SIPA1L3: variants seen among roughly 807,000 people sequenced by gnomAD.
SIPA1L3 encodes the protein signal induced proliferation associated 1 like 3.
In SIPA1L3, 59 loss-of-function variants were observed where a neutral mutation model predicts 150.1. The observed-to-expected ratio is 0.39, with a 90% CI of 0.32 to 0.49. The LOEUF (loss-of-function observed/expected upper bound fraction) is 0.49. SIPA1L3 is among the 20% of genes least tolerant of loss of function. The probability of loss-of-function intolerance (pLI) is 0.86; values close to 1 mark genes in which losing one functional copy is unlikely to be tolerated. For missense variants in SIPA1L3, 2,211 were observed against 2,489.5 expected (o/e 0.89, Z 2.38); for synonymous variants, 1,070 against 1,077.6 (o/e 0.99, Z 0.14).
intron 1 of SIPA1L3, among the ~76,000 whole-genome samples, chr19:37,936,828 T>C (rs973476137): frequency 6.6e-6 from 1 of 152,206 alleles, no homozygotes; most frequent in Non-Finnish European, 1.5e-5. Flanking sequence ...GAATATGTAA[T>C]TGACAGCAGA....
intron 14 of SIPA1L3, among the ~76,000 whole-genome samples, chr19:38,163,738 G>A (rs1972144738): frequency 6.6e-6 from 1 of 152,180 alleles, no homozygotes; most frequent in Non-Finnish European, 1.5e-5. Flanking sequence ...CATGGCCACA[G>A]CAACGTGATC....
chr19:38,066,102 TC>T, intron 2 of SIPA1L3, among the ~76,000 whole-genome samples: 1 of 151,830 alleles, frequency 6.6e-6, no homozygotes, highest in East Asian at 1.9e-4. Flanking sequence ...AGGCTTGAAC[TC>T]CTGGGCTCAG....
In SIPA1L3 at chr19:38,164,051, G is replaced by C. The variant is rs1003295275; in HGVS notation, c.3781-428G>C. 2.0e-5 allele frequency among the ~76,000 whole-genome samples: 3 copies of C among 152,154 alleles called. No individual in the cohort carries two copies. Among genetic ancestry groups the C allele is most frequent in the African/African-American group, 7.2e-5 (3 of 41,440 alleles). On this transcript the variant is annotated intron_variant, in intron 14 of 21. Coordinates refer to ENST00000222345, the MANE Select transcript of SIPA1L3 (RefSeq NM_015073.3). This position sits in a 1 kb window ranked among gnomAD's most constrained non-coding sequence, Gnocchi z 4.1. ...GGTCCCGGATCTGTGTTGAGGACGC[G>C]GGCAGCAGGGTTTGCTAGTGGGCTG...
intron 1 of SIPA1L3, among the ~76,000 whole-genome samples, chr19:37,998,189 G>A (rs181754113): frequency 5.9e-5 from 9 of 152,260 alleles, no homozygotes; most frequent in East Asian, 1.9e-4. Context: ...AGTCAGAAGC[G>A]ACTCACGGCT....
chr19:38,167,616 G>GCTA (rs1210515224), intron 15 of SIPA1L3, among the ~76,000 whole-genome samples: 3 of 152,170 alleles, frequency 2.0e-5, no homozygotes, highest in Non-Finnish European at 4.4e-5. Flanking sequence ...AGGCTGGGGT[G>GCTA]CAGTAGTACG....
rs929190434 is a variant in SIPA1L3 at position 38,120,915 on chromosome 19, T to C, written c.2868+1033T>C. ...ATAGAGATAGCATATAACACGGCAGTTCAGAGCACAAGATCTAGTCAGAAG... is the reference window on the plus strand; with the variant it reads ...ATAGAGATAGCATATAACACGGCAGCTCAGAGCACAAGATCTAGTCAGAAG... On this transcript the variant is annotated intron_variant, in intron 9 of 21. Transcript: ENST00000222345. Among the ~76,000 whole-genome samples, 5 of 152,186 alleles carry C rather than the reference T, an allele frequency of 3.3e-5. No individual in the cohort carries two copies. In the South Asian group the frequency reaches 1.0e-3, roughly 32 times the overall value.
chr19:37,978,128 G>A (rs926429534), intron 1 of SIPA1L3, among the ~76,000 whole-genome samples: 9 of 152,202 alleles, frequency 5.9e-5, no homozygotes, highest in Non-Finnish European at 1.2e-4. Context: ...ACAGTTGAGG[G>A]CAGACCCAGA....
chr19:38,180,792 G>T (rs972920506), intron 15 of SIPA1L3, among the ~76,000 whole-genome samples: 1 of 151,976 alleles, frequency 6.6e-6, no homozygotes, highest in African/African-American at 2.4e-5. Flanking sequence ...TTATCTGCCC[G>T]CCTTGGCCTC....
intron 13 of SIPA1L3, among the ~76,000 whole-genome samples, chr19:38,158,348 T>C (rs1202867069): frequency 6.6e-6 from 1 of 152,128 alleles, no homozygotes; most frequent in African/African-American, 2.4e-5. Context: ...AAGAAGTCAG[T>C]GGGGATGAGA....
At chr19:38,086,618 G>A (rs939427297) in intron 3 of SIPA1L3, among the ~76,000 whole-genome samples, 4 of 152,206 alleles carry the variant, frequency 2.6e-5, no homozygotes, top group Non-Finnish European at 5.9e-5. Context: ...TAGAGGCAGA[G>A]GTTGCAGTGA....
intron 1 of SIPA1L3, among the ~76,000 whole-genome samples, chr19:37,998,719 T>A (rs770476066): frequency 1.3e-5 from 2 of 151,946 alleles, no homozygotes; most frequent in Non-Finnish European, 2.9e-5. Context: ...GCCTGGGAGG[T>A]TGAGGCTGCA....
At chr19:38,122,758 G>A (rs1002439169) in intron 9 of SIPA1L3, among the ~76,000 whole-genome samples, 2 of 152,152 alleles carry the variant, frequency 1.3e-5, no homozygotes, top group Non-Finnish European at 2.9e-5. Flanking sequence ...ATGCTAGGGC[G>A]GCGTCCAGCC....
In SIPA1L3 at chr19:38,198,492, C is replaced by CCA; in HGVS notation, c.4944_4945insCA (p.Glu1649GlnfsTer7). 1 of 1,601,632 alleles carries CCA rather than the reference C, an allele frequency of 6.2e-7. No homozygotes were observed. Among genetic ancestry groups the CCA allele is most frequent in the Non-Finnish European group, 8.5e-7 (1 of 1,174,966 alleles). Reference sequence around the variant, plus strand: ...CCCTGCCTGACACAGCTGCTGGCCTCGAGTGGTCCAGCCTGGTGAACGCAG... The same window carrying CCA: ...CCCTGCCTGACACAGCTGCTGGCCTCCAGAGTGGTCCAGCCTGGTGAACGCAG... On this transcript the variant is annotated frameshift_variant, in exon 19 of 22. Transcript: ENST00000222345. LOFTEE classifies it high-confidence loss of function.
At chr19:38,135,901 G>A (rs552488960) in intron 10 of SIPA1L3, among the ~76,000 whole-genome samples, 8 of 151,986 alleles carry the variant, frequency 5.3e-5, no homozygotes, top group South Asian at 2.1e-4. Flanking sequence ...GCTCTGAGGC[G>A]AGCAGTGAGG....
chr19:38,149,017 A>T (rs1971763237), intron 12 of SIPA1L3, among the ~76,000 whole-genome samples: 3 of 152,230 alleles, frequency 2.0e-5, no homozygotes, highest in Admixed American at 1.3e-4. Flanking sequence ...GGACAGTGAT[A>T]GACATGGTCT....
At chr19:38,060,814 C>T (rs1969429961) in intron 2 of SIPA1L3, among the ~76,000 whole-genome samples, 1 of 152,188 alleles carries the variant, frequency 6.6e-6, no homozygotes, top group South Asian at 2.1e-4. Flanking sequence ...GCCTCAGCCT[C>T]CCGAGTAGCT....
At chr19:37,998,588 C>A (rs558987239) in intron 1 of SIPA1L3, among the ~76,000 whole-genome samples, 1 of 152,208 alleles carries the variant, frequency 6.6e-6, no homozygotes, top group African/African-American at 2.4e-5. Context: ...TGGAGATCAG[C>A]CTGCGCAACA....
chr19:38,012,702 A>G lies in SIPA1L3; in HGVS notation c.-378-16387A>G, dbSNP rs1293167481. Among the ~76,000 whole-genome samples, 3 of 146,592 alleles carry G rather than the reference A, an allele frequency of 2.0e-5. No individual in the cohort carries two copies. In the East Asian group the frequency reaches 6.1e-4, roughly 30 times the overall value. ...TCCTCTCTCCTCCCCAGGTGAGTCC[A>G]GAGTTTCAGCTAATGTTGCAGCGGC... On this transcript the variant is annotated intron_variant, in intron 1 of 21. Transcript: ENST00000222345.
intron 2 of SIPA1L3, among the ~76,000 whole-genome samples, chr19:38,064,993 G>A (rs1969539933): frequency 6.6e-6 from 1 of 152,198 alleles, no homozygotes; most frequent in Non-Finnish European, 1.5e-5. Context: ...AAGTGAGAGA[G>A]GCAGCTGTGA....
Sources: gnomAD v4.1 joint callset for allele counts (sites outside exome capture counted in the v4.1 genomes callset) on GRCh38, gnomAD v4.1.1 for gene constraint, Gnocchi (gnomAD v3.1) non-coding constraint, MANE v1.5 for transcripts, NCBI Gene and HGNC (gene_info 2026-07-23, HGNC 2026-07-21) for gene names.